DRC3: variants seen among roughly 807,000 people sequenced by gnomAD.
DRC3 encodes the protein dynein regulatory complex subunit 3.
In DRC3, 45 loss-of-function variants were observed where a neutral mutation model predicts 57.6. The observed-to-expected ratio is 0.78, with a 90% CI of 0.62 to 1.00. The LOEUF is 1.00. DRC3 is among the 50% of genes least tolerant of loss of function. The pLI is 0.00. For synonymous variants in DRC3, 257 were observed against 272.3 expected, an observed-to-expected ratio of 0.94 and a Z score of 0.55; for missense variants, 655 against 675.2, an observed-to-expected ratio of 0.97 and a Z score of 0.33.
Position 17,992,801 on chromosome 17 carries a change from C to G in DRC3, c.481C>G (p.Leu161Val). 6.2e-7 allele frequency: 1 copy of G among 1,613,852 alleles called. No homozygotes were observed. The highest frequency in any genetic ancestry group is 8.5e-7 in the Non-Finnish European group (1 of 1,179,822). Reference sequence around the variant, plus strand: ...CCGGCGGTTCAAGTGCCTGCGGACGCTCAGCCTCTCTAGGAACCCTATCTC... The same window carrying G: ...CCGGCGGTTCAAGTGCCTGCGGACGGTCAGCCTCTCTAGGAACCCTATCTC... ...YLRRFKCLRT[L>V]SLSRNPISEA... The change falls in exon 6 of 14, where the codon CTC becomes GTC. Residue 161 changes from leucine to valine, a missense_variant. Transcript: ENST00000399187.
chr17:18,006,458 CTCATA>C (rs2043954737), intron 11 of DRC3: 2 of 593,968 alleles, frequency 3.4e-6, no homozygotes, highest in Admixed American at 5.9e-5. Flanking sequence ...CATGATTGTT[CTCATA>C]TGAGTGATGT....
intron 13 of DRC3, 125 bp from the exon 14 acceptor site, chr17:18,016,433 G>A (rs2044366019): frequency 1.2e-6 from 1 of 804,542 alleles, no homozygotes. Flanking sequence ...ACCTGGGGAG[G>A]CGCTGAAGCA....
chr17:18,001,253 C>A (rs533674988), intron 9 of DRC3, among the ~76,000 whole-genome samples: 1 of 152,270 alleles, frequency 6.6e-6, no homozygotes, highest in East Asian at 1.9e-4. Context: ...TCTGTAATCT[C>A]AGCACTTTCG....
At chr17:17,987,804 A>C in intron 4 of DRC3, 128 bp from the exon 5 acceptor site, 1 of 878,442 alleles carries the variant, frequency 1.1e-6, no homozygotes, top group Non-Finnish European at 1.7e-6. Flanking sequence ...TTAGACAGTG[A>C]GTCAAATTCT....
At chr17:17,983,982 G>A in intron 4 of DRC3, 38 bp downstream of exon 4, 1 of 1,338,134 alleles carries the variant, frequency 7.5e-7, no homozygotes, top group Non-Finnish European at 1.1e-6. Flanking sequence ...CCTAATCGAA[G>A]GTGACACCCT....
Position 18,006,014 on chromosome 17 carries a change from A to G in DRC3, c.1132-169A>G, listed in dbSNP as rs941995711. 4 of 608,186 alleles carry G rather than the reference A, an allele frequency of 6.6e-6. No individual in the cohort carries two copies. The Admixed American group carries it at 1.1e-4, about 16-fold the overall frequency. The allele number at this position is 608,186 out of a possible 1,614,324, so 37.7% of individuals were successfully genotyped here. On this transcript the variant is annotated intron_variant, in intron 10 of 13. Coordinates refer to ENST00000399187, the MANE Select transcript of DRC3 (RefSeq NM_031294.4). ...TGGTTGGAGAACAACAACTTTAGAG[A>G]GAGCAGAGGGGTCAGTTCACAACCA...
chr17:18,016,303 A>G lies in DRC3; in HGVS notation c.1458+108A>G. ...TTTTCATTAAGGAATGAAATGAAGG[A>G]AGAAATAAAATTAAGGATTATAGAA... is the stretch of plus-strand genomic sequence containing the variant. On this transcript the variant is annotated intron_variant, in intron 13 of 13. Coordinates refer to ENST00000399187, the MANE Select transcript of DRC3 (RefSeq NM_031294.4). 5.7e-6 allele frequency: 7 copies of G among 1,238,428 alleles called. No individual in the cohort carries two copies. In the Admixed American group the frequency reaches 6.0e-5, roughly 11 times the overall value. 76.7% of individuals were successfully genotyped at this position (1,238,428 alleles called of 1,614,324 possible).
intron 9 of DRC3, among the ~76,000 whole-genome samples, chr17:18,003,904 G>T (rs1220898907): frequency 1.3e-5 from 2 of 151,532 alleles, no homozygotes; most frequent in African/African-American, 4.9e-5. Context: ...ACCCACCTCG[G>T]CCTCCCAAAG....
chr17:18,007,499 T>A (rs1469432055), intron 12 of DRC3: 2 of 1,550,166 alleles, frequency 1.3e-6, no homozygotes. Flanking sequence ...GGAGGTCTTC[T>A]TAACCTTAGA....
intron 8 of DRC3, among the ~76,000 whole-genome samples, chr17:17,996,051 G>A (rs149388017): frequency 1.1e-4 from 17 of 152,308 alleles, no homozygotes; most frequent in African/African-American, 3.6e-4. Flanking sequence ...ACAGCGTTGC[G>A]CTGTTGTTGC....
Position 17,997,634 on chromosome 17 carries a change from G to T in DRC3, c.999G>T (p.Ser333=), listed in dbSNP as rs1459977522. Reference sequence around the variant, plus strand: ...CCAAATTCGAGGAGAAGCACTTGTCGGTAGGCCCCGAGCCTCCTGAGGCCC... The same window carrying T: ...CCAAATTCGAGGAGAAGCACTTGTCTGTAGGCCCCGAGCCTCCTGAGGCCC... The part of the protein sequence containing the change: ...KIAKFEEKHL[S]SLSAIREELE... Residue 333 remains serine, a splice_region_variant and synonymous_variant, in exon 9 of 14, where the codon TCG becomes TCT. Transcript: ENST00000399187. 3.8e-6 allele frequency: 6 copies of T among 1,596,926 alleles called. No individual in the cohort carries two copies. In the Middle Eastern group the frequency reaches 7.1e-4, roughly 190 times the overall value.
Position 18,000,077 on chromosome 17 carries a change from CGTGTGT to C in DRC3, c.999+2467_999+2472del, listed in dbSNP as rs35063272. On this transcript the variant is annotated intron_variant, in intron 9 of 13. Transcript: ENST00000399187. Reference sequence around the variant, plus strand: ...CATGCCCTGTTTTGTACTTTGCTTTCGTGTGTGTGTGTGTGTGTGTGTGTGTGTGAG... The same window carrying C: ...CATGCCCTGTTTTGTACTTTGCTTTCGTGTGTGTGTGTGTGTGTGTGTGAG... Among the ~76,000 whole-genome samples the C allele has an allele frequency of 7.9e-3, 1,040 of 132,124 alleles. 6 individuals carry two copies. The highest frequency in any genetic ancestry group is 0.027 in the African/African-American group (927 of 34,488). The allele number at this position is 132,124 out of a possible 152,430, so 86.7% of individuals were successfully genotyped here. A position where few individuals can be genotyped will look rare whatever the true frequency, so the allele number is the denominator to read the frequency against.
At position 17,990,654 on chromosome 17, in the gene DRC3, T is replaced by A. The variant is rs191538851; in HGVS notation, c.445-2111T>A. 3.9e-5 allele frequency among the ~76,000 whole-genome samples: 6 copies of A among 152,378 alleles called. No homozygotes were observed. The East Asian group carries it at 1.2e-3, about 29-fold the overall frequency. Reference sequence around the variant, plus strand: ...TTTCTCTCAGGGTGCCATCTTGATGTTCCTTACAGCACTTAACTCAAAGCA... The same window carrying A: ...TTTCTCTCAGGGTGCCATCTTGATGATCCTTACAGCACTTAACTCAAAGCA... On this transcript the variant is annotated intron_variant, in intron 5 of 13. Transcript: ENST00000399187.
intron 4 of DRC3, among the ~76,000 whole-genome samples, chr17:17,985,300 G>GT (rs2042908067): frequency 6.6e-6 from 1 of 152,248 alleles, no homozygotes; most frequent in Admixed American, 6.5e-5. Flanking sequence ...ACCCCTTGCA[G>GT]TGGCCATCCA....
chr17:17,994,052 C>G (rs2043345164), intron 6 of DRC3: 1 of 432,326 alleles, frequency 2.3e-6, no homozygotes, highest in Non-Finnish European at 4.2e-6. Flanking sequence ...CCCCAGCCTG[C>G]CACGCTGCCT....
chr17:17,995,965 G>A (rs1457834174), intron 8 of DRC3, among the ~76,000 whole-genome samples: 1 of 152,232 alleles, frequency 6.6e-6, no homozygotes, highest in Non-Finnish European at 1.5e-5. Flanking sequence ...TCACGCTCCT[G>A]ATAAAGATAT....
chr17:17,999,255 G>A (rs1244599407), intron 9 of DRC3, among the ~76,000 whole-genome samples: 1 of 152,204 alleles, frequency 6.6e-6, no homozygotes, highest in South Asian at 2.1e-4. Flanking sequence ...AGGCCACCTC[G>A]GACGAGCTGA....
intron 9 of DRC3, among the ~76,000 whole-genome samples, chr17:18,000,357 A>AGTGTGTGTGT (rs113487468): frequency 1.1e-4 from 7 of 65,246 alleles, no homozygotes; most frequent in African/African-American, 3.0e-4. Context: ...CTTTCACGTG[A>AGTGTGTGTGT]GTGTGTGTGT....
At chr17:17,984,808 C>A (rs1159430861) in intron 4 of DRC3, among the ~76,000 whole-genome samples, 1 of 152,130 alleles carries the variant, frequency 6.6e-6, no homozygotes, top group African/African-American at 2.4e-5. Flanking sequence ...AATAAGGGCA[C>A]CCTGGGGCAT....
Sources: allele counts gnomAD v4.1 joint callset (sites outside exome capture counted in the v4.1 genomes callset), GRCh38; gene constraint gnomAD v4.1.1; transcripts MANE v1.5; gene names NCBI Gene and HGNC (gene_info 2026-07-23, HGNC 2026-07-21).